IGSF21: variants seen among roughly 807,000 people sequenced by gnomAD.
IGSF21 encodes the protein immunoglobin superfamily member 21.
Under a neutral mutation model 46.8 loss-of-function variants are expected in IGSF21, and 28 were observed. The observed-to-expected ratio is 0.60, with a 90% CI of 0.44 to 0.82. The LOEUF (loss-of-function observed/expected upper bound fraction) is 0.82, where lower values mean the gene tolerates loss of function less well. Among genes scored for constraint, IGSF21 ranks in the 40% least tolerant of loss-of-function variants. The pLI, the probability that IGSF21 is intolerant of heterozygous loss-of-function variation, is 0.00. For missense variants in IGSF21, 624 were observed against 665.5 expected (o/e 0.94, Z 0.69); for synonymous variants, 284 against 273.6 (o/e 1.04, Z -0.38).
intron 1 of IGSF21, among the ~76,000 whole-genome samples, chr1:18,201,660 G>A (rs999426680): frequency 6.6e-6 from 1 of 152,102 alleles, no homozygotes; most frequent in Non-Finnish European, 1.5e-5. Context: ...AAGGGAAATA[G>A]CAAGGAACAG....
intron 1 of IGSF21, among the ~76,000 whole-genome samples, chr1:18,158,982 G>A (rs566920475): frequency 6.6e-5 from 10 of 152,234 alleles, no homozygotes; most frequent in South Asian, 6.2e-4. Context: ...CTCATCCTTC[G>A]GGGCTCTGCT....
intron 2 of IGSF21, among the ~76,000 whole-genome samples, chr1:18,232,103 C>A (rs1230737460): frequency 6.6e-6 from 1 of 151,948 alleles, no homozygotes; most frequent in Non-Finnish European, 1.5e-5. Flanking sequence ...CTTGAGGATG[C>A]TTTTCACCAT....
At chr1:18,315,715 T>C (rs1415303035) in intron 3 of IGSF21, among the ~76,000 whole-genome samples, 1 of 151,428 alleles carries the variant, frequency 6.6e-6, no homozygotes, top group East Asian at 1.9e-4. Flanking sequence ...GGATGGTGGA[T>C]AGGTGTGGAT....
In IGSF21 at chr1:18,229,497, C is replaced by A. The variant is rs576768612; in HGVS notation, c.183+1487C>A. Reference sequence around the variant, plus strand: ...CTGATTCATGGTTTGCTTGTTGTTGCTATTTTGTTGGCTGTGATCTGCACT... The same window carrying A: ...CTGATTCATGGTTTGCTTGTTGTTGATATTTTGTTGGCTGTGATCTGCACT... On this transcript the variant is annotated intron_variant, in intron 2 of 9. Transcript: ENST00000251296. Among the ~76,000 whole-genome samples, 4 of 152,288 alleles carry A rather than the reference C, an allele frequency of 2.6e-5. No homozygotes were observed. The South Asian group carries it at 8.3e-4, about 32-fold the overall frequency.
At chr1:18,289,023 C>G (rs2085242161) in intron 2 of IGSF21, among the ~76,000 whole-genome samples, 1 of 152,122 alleles carries the variant, frequency 6.6e-6, no homozygotes, top group South Asian at 2.1e-4. Flanking sequence ...TTCTTCAGTG[C>G]TTTATCTGGG....
chr1:18,302,162 C>T (rs1271087414), intron 3 of IGSF21, among the ~76,000 whole-genome samples: 1 of 11,380 alleles, frequency 8.8e-5, no homozygotes, highest in African/African-American at 4.5e-4. Context: ...TTTTCAAAGC[C>T]CAAAGGTGCT....
intron 3 of IGSF21, among the ~76,000 whole-genome samples, chr1:18,328,108 G>A (rs2085675846): frequency 6.6e-6 from 1 of 152,192 alleles, no homozygotes; most frequent in Admixed American, 6.5e-5. Context: ...CAGAGAAAAG[G>A]TGTCTTTATA....
intron 3 of IGSF21, among the ~76,000 whole-genome samples, chr1:18,305,841 G>A (rs747806006): frequency 6.6e-5 from 10 of 152,224 alleles, no homozygotes; most frequent in African/African-American, 9.7e-5. Context: ...CAGGGAAGCC[G>A]TCCTCATTTT....
intron 3 of IGSF21, among the ~76,000 whole-genome samples, chr1:18,301,116 A>C (rs1397295221): frequency 6.6e-6 from 1 of 152,228 alleles, no homozygotes; most frequent in East Asian, 1.9e-4. Flanking sequence ...CACAGATCTC[A>C]GACTCATTGA....
At chr1:18,234,948 T>G (rs1158538567) in intron 2 of IGSF21, among the ~76,000 whole-genome samples, 1 of 152,154 alleles carries the variant, frequency 6.6e-6, no homozygotes, top group African/African-American at 2.4e-5. Flanking sequence ...GGAGAAACCT[T>G]CAGCTCCCTC....
intron 1 of IGSF21, among the ~76,000 whole-genome samples, chr1:18,153,370 G>A (rs1043617429): frequency 6.6e-6 from 1 of 152,226 alleles, no homozygotes; most frequent in African/African-American, 2.4e-5. Flanking sequence ...ACTCCGCAGA[G>A]GAGGCCCCAG....
intron 2 of IGSF21, among the ~76,000 whole-genome samples, chr1:18,282,103 A>G (rs2124556719): frequency 6.6e-6 from 1 of 152,242 alleles, no homozygotes; most frequent in African/African-American, 2.4e-5. Context: ...CTAGGGCACC[A>G]AGGGTCCAGC....
chr1:18,194,917 G>A (rs1423894639), intron 1 of IGSF21, among the ~76,000 whole-genome samples: 1 of 152,242 alleles, frequency 6.6e-6, no homozygotes, highest in Non-Finnish European at 1.5e-5. Flanking sequence ...AATCATGGTG[G>A]AAGATGAATG....
At chr1:18,227,138 T>C (rs17489003) in intron 1 of IGSF21, among the ~76,000 whole-genome samples, 35,085 of 152,194 alleles carry the variant, frequency 0.23, 4,400 homozygotes, top group Non-Finnish European at 0.28. Context: ...GGGTCTATAA[T>C]GGACTTCTCT....
In IGSF21 at chr1:18,289,802, T is replaced by C. The variant is rs2085249167; in HGVS notation, c.184-2064T>C. Among the ~76,000 whole-genome samples, 6 of 152,326 alleles carry C rather than the reference T, an allele frequency of 3.9e-5. No homozygotes were observed. In the South Asian group the frequency reaches 1.2e-3, roughly 32 times the overall value. The stretch of plus-strand genomic sequence containing the variant: ...CCAAAAATGTCTCCTGAGCTTGCTG[T>C]ATGTCCCCTGGTGGTTAGGGTGAGC... On this transcript the variant is annotated intron_variant, in intron 2 of 9. Transcript: ENST00000251296.
At chr1:18,238,856 T>C (rs2084697676) in intron 2 of IGSF21, among the ~76,000 whole-genome samples, 1 of 152,218 alleles carries the variant, frequency 6.6e-6, no homozygotes, top group African/African-American at 2.4e-5. Flanking sequence ...AACCCCTCTC[T>C]GAGCTCCAGG....
intron 6 of IGSF21, among the ~76,000 whole-genome samples, chr1:18,372,687 TG>T (rs2086238718): frequency 6.8e-6 from 1 of 147,604 alleles, no homozygotes; most frequent in African/African-American, 2.5e-5. Flanking sequence ...GATGGATGGA[TG>T]AGTGTTTAGA....
At chr1:18,131,128 T>C (rs1000432624) in intron 1 of IGSF21, among the ~76,000 whole-genome samples, 1 of 152,226 alleles carries the variant, frequency 6.6e-6, no homozygotes. Flanking sequence ...TCCAGAAAGA[T>C]GGCCACTGCT....
chr1:18,197,915 T>C (rs937789647), intron 1 of IGSF21, among the ~76,000 whole-genome samples: 2 of 152,192 alleles, frequency 1.3e-5, no homozygotes, highest in African/African-American at 4.8e-5. Flanking sequence ...CTGGCTTCTA[T>C]AAGAATCCAG....
Sources: allele counts gnomAD v4.1 joint callset (sites outside exome capture counted in the v4.1 genomes callset), GRCh38; gene constraint gnomAD v4.1.1; transcripts MANE v1.5; gene names NCBI Gene and HGNC (gene_info 2026-07-23, HGNC 2026-07-21).